DLX4: variants seen among roughly 807,000 people sequenced by gnomAD.
DLX4 encodes the protein distal-less homeobox 4.
In DLX4, 13 loss-of-function variants were observed where a neutral mutation model predicts 17.1. The ratio of observed to expected loss-of-function variants is 0.76; its 90% confidence interval spans 0.49 to 1.21. DLX4 has a LOEUF of 1.21. DLX4 is among the 50% of genes most tolerant of loss of function. The probability of loss-of-function intolerance (pLI) is 0.00; values close to 1 mark genes in which losing one functional copy is unlikely to be tolerated. For missense variants in DLX4, 297 were observed against 301.4 expected (o/e 0.99, Z 0.11); for synonymous variants, 129 against 140.3 (o/e 0.92, Z 0.57).
Position 49,974,110 on chromosome 17 carries a change from A to C in DLX4, c.*167A>C, listed in dbSNP as rs1905631867. On this transcript the variant is annotated 3_prime_UTR_variant, in exon 3 of 3. Coordinates refer to ENST00000240306, the MANE Select transcript of DLX4 (RefSeq NM_138281.3). ...GAATGGAGCAGAGCCTGTACCCCTA[A>C]CCCTAACAGCTAAATCAAGGACCTC... 3 of 833,978 alleles carry C rather than the reference A, an allele frequency of 3.6e-6. No individual in the cohort carries two copies. Among genetic ancestry groups the C allele is most frequent in the Admixed American group, 3.9e-5 (1 of 25,916 alleles). The allele number at this position is 833,978 out of a possible 1,614,324, so 51.7% of individuals were successfully genotyped here. A position where few individuals can be genotyped will look rare whatever the true frequency, so the allele number is the denominator to read the frequency against.
Position 49,969,233 on chromosome 17 carries a change from C to A in DLX4, c.-236C>A. On this transcript the variant is annotated 5_prime_UTR_variant, in exon 1 of 3. Coordinates refer to ENST00000240306, the MANE Select transcript of DLX4 (RefSeq NM_138281.3). ...AACCCGATGGAGAGGAGGGGGCCCC[C>A]ATGGATTTAGGGGGGGAGGGGAAAG... is the stretch of plus-strand genomic sequence containing the variant. The A allele has an allele frequency of 2.3e-6, 1 of 427,118 alleles. No homozygotes were observed. Among genetic ancestry groups the A allele is most frequent in the Non-Finnish European group, 4.0e-6 (1 of 251,262 alleles). The allele number at this position is 427,118 out of a possible 1,614,324, so 26.5% of individuals were successfully genotyped here. A position where few individuals can be genotyped will look rare whatever the true frequency, so the allele number is the denominator to read the frequency against.
At chr17:49,973,046 C>T (rs771385999) in intron 1 of DLX4, 27 bp from the exon 2 acceptor site, 8 of 1,613,330 alleles carry the variant, frequency 5.0e-6, no homozygotes, top group East Asian at 2.2e-5. Flanking sequence ...CTCCTCGCCC[C>T]CTACACCGTG....
chr17:49,973,764 G>A lies in DLX4; in HGVS notation c.544G>A (p.Gly182Arg). 6.4e-7 allele frequency: 1 copy of A among 1,554,088 alleles called. No individual in the cohort carries two copies. The highest frequency in any genetic ancestry group is 2.0e-5 in the Admixed American group (1 of 50,630). ...GAAGCTCCTGAAGCAGAATTCTGGG[G>A]GGCAGGAAGGGGACTTCCCTGGGAG... ...YKKLLKQNSG[G>R]QEGDFPGRTF... The change falls in exon 3 of 3, where the codon GGG becomes AGG. Residue 182 changes from glycine (G) to arginine (R), a missense_variant. By Grantham distance (125) the Gly-to-Arg change is moderately radical. Transcript: ENST00000240306.
At position 49,973,194 on chromosome 17, in the gene DLX4, T is replaced by C. The variant is rs1303323255; in HGVS notation, c.405T>C (p.Arg135=). The stretch of plus-strand genomic sequence containing the variant: ...TGCAGCTGCAGCACCTAAACCAGCG[T>C]TTCCAGCACACGCAGTACCTGGCGC... The part of the protein sequence containing the change: ...SSLQLQHLNQ[R]FQHTQYLALP... Residue 135 remains arginine, a synonymous_variant, in exon 2 of 3, where the codon CGT becomes CGC. Transcript: ENST00000240306. 1.9e-6 allele frequency: 3 copies of C among 1,614,110 alleles called. No homozygotes were observed. Among genetic ancestry groups the C allele is most frequent in the Non-Finnish European group, 2.5e-6 (3 of 1,180,014 alleles).
At chr17:49,973,307 C>A (rs748859909) in intron 2 of DLX4, 38 bp downstream of exon 2, 1 of 1,605,682 alleles carries the variant, frequency 6.2e-7, no homozygotes, top group Admixed American at 1.7e-5. Flanking sequence ...TCTCACCTTC[C>A]CTGGTTCTCT....
Position 49,972,986 on chromosome 17 carries a change from G to A in DLX4, c.284-87G>A, listed in dbSNP as rs1567907592. On this transcript the variant is annotated intron_variant, in intron 1 of 2. Transcript: ENST00000240306. The surrounding 1 kb of genome is among the most constrained non-coding windows in gnomAD (Gnocchi z 5.4). ...TGCTATTTGCTGCCGACGGCATGCA[G>A]ACGAGATGCAAATAAGCTTATGAAA... is the stretch of plus-strand genomic sequence containing the variant. 1 of 1,552,704 alleles carries A rather than the reference G, an allele frequency of 6.4e-7. No individual in the cohort carries two copies. The highest frequency in any genetic ancestry group is 1.2e-5 in the South Asian group (1 of 82,606).
chr17:49,970,537 C>G (rs575407797), intron 1 of DLX4, among the ~76,000 whole-genome samples: 1 of 152,336 alleles, frequency 6.6e-6, no homozygotes, highest in African/African-American at 2.4e-5. Flanking sequence ...TGAGAAAGTG[C>G]TCACTGGAAG....
chr17:49,972,894 GT>G lies in DLX4; in HGVS notation c.284-177del. 6.9e-7 allele frequency: 1 copy of G among 1,451,636 alleles called. No homozygotes were observed. The highest frequency in any genetic ancestry group is 9.1e-7 in the Non-Finnish European group (1 of 1,098,828). The allele number at this position is 1,451,636 out of a possible 1,614,324, so 89.9% of individuals were successfully genotyped here. A position where few individuals can be genotyped will look rare whatever the true frequency, so the allele number is the denominator to read the frequency against. ...ATCACCTGGCGCGGTGAACGTGGGG[GT>G]TGAAACGCTCCACGCGGAAGGTAGA... is the stretch of plus-strand genomic sequence containing the variant. On this transcript the variant is annotated intron_variant, in intron 1 of 2. Transcript: ENST00000240306. This position sits in a 1 kb window ranked among gnomAD's most constrained non-coding sequence, Gnocchi z 5.4.
Position 49,973,490 on chromosome 17 carries a change from G to A in DLX4, c.481-211G>A, listed in dbSNP as rs1905600892. 4.2e-6 allele frequency: 4 copies of A among 957,562 alleles called. No homozygotes were observed. In the South Asian group the frequency reaches 6.3e-5, roughly 15 times the overall value. The allele number at this position is 957,562 out of a possible 1,614,324, so 59.3% of individuals were successfully genotyped here. On this transcript the variant is annotated intron_variant, in intron 2 of 2. Coordinates refer to ENST00000240306, the MANE Select transcript of DLX4 (RefSeq NM_138281.3). The stretch of plus-strand genomic sequence containing the variant: ...GGGTGGAGTGGGTCAGGAAGAGGAG[G>A]GTAGGTCAGACAGGGAGACATGGAT...
Position 49,973,845 on chromosome 17 carries a change from A to G in DLX4, c.625A>G (p.Lys209Glu). ...PPLPSLWDLP[K>E]AGTLPTSGYG... is the part of the protein sequence containing the mutation. The stretch of plus-strand genomic sequence containing the variant: ...CCTCCCCTCCCTCTGGGATCTACCC[A>G]AGGCAGGGACCCTGCCCACCAGTGG... The change falls in exon 3 of 3, where the codon AAG becomes GAG. Residue 209 changes from lysine (K) to glutamate (E), a missense_variant. Physicochemically the swap from Lys to Glu is moderately conservative, Grantham distance 56. Coordinates refer to ENST00000240306, the MANE Select transcript of DLX4 (RefSeq NM_138281.3). The G allele has an allele frequency of 6.2e-7, 1 of 1,603,058 alleles. No homozygotes were observed. Among genetic ancestry groups the G allele is most frequent in the Non-Finnish European group, 8.5e-7 (1 of 1,173,850 alleles).
At position 49,974,147 on chromosome 17, in the gene DLX4, A is replaced by C; in HGVS notation, c.*204A>C. 1.9e-6 allele frequency: 1 copy of C among 529,554 alleles called. No homozygotes were observed. Among genetic ancestry groups the C allele is most frequent in the Non-Finnish European group, 3.0e-6 (1 of 329,052 alleles). 32.8% of individuals were successfully genotyped at this position (529,554 alleles called of 1,614,324 possible). ...AAATCAAGGACCTCAGCCTTATATAATCATTGTCCCCACCACTACCATGGA... is the reference window on the plus strand; with the variant it reads ...AAATCAAGGACCTCAGCCTTATATACTCATTGTCCCCACCACTACCATGGA... On this transcript the variant is annotated 3_prime_UTR_variant, in exon 3 of 3. Coordinates refer to ENST00000240306, the MANE Select transcript of DLX4 (RefSeq NM_138281.3).
In DLX4 at chr17:49,972,432, C is replaced by A; in HGVS notation, c.284-641C>A. ...GGAAACCCAGGCGGCCACGGTGTGG[C>A]GGGGGAGACATGGTCACTTTTCCTG... On this transcript the variant is annotated intron_variant, in intron 1 of 2. Transcript: ENST00000240306. This position sits in a 1 kb window ranked among gnomAD's most constrained non-coding sequence, Gnocchi z 5.4. 1 of 152,586 alleles carries A rather than the reference C, an allele frequency of 6.6e-6. No individual in the cohort carries two copies. Among genetic ancestry groups the A allele is most frequent in the Non-Finnish European group, 1.5e-5 (1 of 68,242 alleles). 9.5% of individuals were successfully genotyped at this position (152,586 alleles called of 1,614,324 possible).
chr17:49,974,787 CT>C lies in DLX4; in HGVS notation c.*845del, dbSNP rs1567908631. The C allele has an allele frequency of 1.3e-5, 2 of 152,156 alleles. No individual in the cohort carries two copies. The allele number at this position is 152,156 out of a possible 1,614,324, so 9.4% of individuals were successfully genotyped here. ...ACACTTAGGGGGAAATGGGGACAAA[CT>C]GGCTCTCTGGATTAGTGCGGGTATA... On this transcript the variant is annotated 3_prime_UTR_variant, in exon 3 of 3. Coordinates refer to ENST00000240306, the MANE Select transcript of DLX4 (RefSeq NM_138281.3).
At chr17:49,968,781 C>T (rs1237166388), upstream of DLX4, among the ~76,000 whole-genome samples, 1 of 152,230 alleles carries the variant, frequency 6.6e-6, no homozygotes, top group African/African-American at 2.4e-5. Flanking sequence ...AAGCGGTTGG[C>T]GCTGGCGGTC....
rs559074171 is a variant in DLX4 at position 49,969,190 on chromosome 17, G to A, written c.-279G>A. The A allele has an allele frequency of 1.1e-5, 4 of 348,850 alleles. No individual in the cohort carries two copies. The highest frequency in any genetic ancestry group is 4.2e-5 in the African/African-American group (2 of 47,100). The allele number at this position is 348,850 out of a possible 1,614,324, so 21.6% of individuals were successfully genotyped here. The stretch of plus-strand genomic sequence containing the variant: ...GGACGTCTAAGAGGGCGGGGCCCCC[G>A]TCGGGTCCCGGGAACCGAACCCGAT... On this transcript the variant is annotated 5_prime_UTR_variant, in exon 1 of 3. Coordinates refer to ENST00000240306, the MANE Select transcript of DLX4 (RefSeq NM_138281.3).
chr17:49,970,344 G>A (rs1183777512), intron 1 of DLX4, among the ~76,000 whole-genome samples: 1 of 152,186 alleles, frequency 6.6e-6, no homozygotes, highest in Non-Finnish European at 1.5e-5. Flanking sequence ...CAGAATCTGG[G>A]AGTAGGACCC....
At position 49,972,589 on chromosome 17, in the gene DLX4, G is replaced by A. The variant is rs1905546299; in HGVS notation, c.284-484G>A. 9.4e-6 allele frequency: 4 copies of A among 426,566 alleles called. No individual in the cohort carries two copies. The highest frequency in any genetic ancestry group is 9.9e-5 in the South Asian group (1 of 10,070). 26.4% of individuals were successfully genotyped at this position (426,566 alleles called of 1,614,324 possible). ...GGGCCTCTCACCCACCCCGCTGGCC[G>A]CAGCCGGAGGCTGCCACGCGGACAC... On this transcript the variant is annotated intron_variant, in intron 1 of 2. Coordinates refer to ENST00000240306, the MANE Select transcript of DLX4 (RefSeq NM_138281.3). This position sits in a 1 kb window ranked among gnomAD's most constrained non-coding sequence, Gnocchi z 5.4.
At chr17:49,971,502 G>A (rs1460519268) in intron 1 of DLX4, among the ~76,000 whole-genome samples, 1 of 152,158 alleles carries the variant, frequency 6.6e-6, no homozygotes, top group Non-Finnish European at 1.5e-5. Context: ...TCGCGACCCG[G>A]GCAGATCTCG....
chr17:49,973,865 C>T lies in DLX4; in HGVS notation c.645C>T (p.Thr215=), dbSNP rs1905619726. The change falls in exon 3 of 3, where the codon ACC becomes ACT. Residue 215 remains threonine, a synonymous_variant. Transcript: ENST00000240306. ...WDLPKAGTLP[T]SGYGNSFGAW... ...TACCCAAGGCAGGGACCCTGCCCAC[C>T]AGTGGCTATGGCAACAGCTTTGGAG... is the stretch of plus-strand genomic sequence containing the variant. The T allele has an allele frequency of 6.2e-7, 1 of 1,613,396 alleles. No homozygotes were observed. Among genetic ancestry groups the T allele is most frequent in the Non-Finnish European group, 8.5e-7 (1 of 1,179,722 alleles).
Sources: gnomAD v4.1 joint callset for allele counts (sites outside exome capture counted in the v4.1 genomes callset) on GRCh38, gnomAD v4.1.1 for gene constraint, Gnocchi (gnomAD v3.1) non-coding constraint, MANE v1.5 for transcripts, NCBI Gene and HGNC (gene_info 2026-07-23, HGNC 2026-07-21) for gene names.